SLC2A6: variants seen among roughly 807,000 people sequenced by gnomAD.
The protein encoded by SLC2A6 is solute carrier family 2 member 6, also known as solute carrier family 2, facilitated glucose transporter member 6.
In SLC2A6, 39 loss-of-function variants were observed where a neutral mutation model predicts 47.8. The ratio of observed to expected loss-of-function variants is 0.82; its 90% confidence interval spans 0.63 to 1.07. SLC2A6 has a LOEUF of 1.07. SLC2A6 is among the 50% of genes least tolerant of loss of function. The probability of loss-of-function intolerance (pLI) is 0.00; values close to 1 mark genes in which losing one functional copy is unlikely to be tolerated. For missense variants in SLC2A6, 650 were observed against 707.6 expected (o/e 0.92, Z 0.92); for synonymous variants, 346 against 324.1 (o/e 1.07, Z -0.73).
chr9:133,472,250 G>A lies in SLC2A6; in HGVS notation c.1369-74C>T, dbSNP rs1554801850. 20 of 1,541,094 alleles carry A rather than the reference G, an allele frequency of 1.3e-5. No homozygotes were observed. The African/African-American group carries it at 1.5e-4, about 12-fold the overall frequency. On this transcript the variant is annotated intron_variant, in intron 9 of 9. Coordinates refer to ENST00000371899, the MANE Select transcript of SLC2A6 (RefSeq NM_017585.4). ...TCCTGCCCCAGAGGAGCTCGTGGGC[G>A]CTGCTGGTAGTGACCAGCCCTGTGG...
In SLC2A6 at chr9:133,472,113, A is replaced by G. The variant is rs781854610; in HGVS notation, c.1432T>C (p.Phe478Leu). ...GTCTCGGGCACACAGCAGCCTGTGA[A>G]CACCAGGCTCACCAAGCAGATGGCC... Reference protein sequence around the residue: ...FAAICLVSLVFTGCCVPETKG... With the variant: ...FAAICLVSLVLTGCCVPETKG... The change falls in exon 10 of 10, where the codon TTC becomes CTC. Residue 478 changes from phenylalanine to leucine, a missense_variant. By Grantham distance (22) the Phe-to-Leu change is conservative. Transcript: ENST00000371899. 1.2e-6 allele frequency: 2 copies of G among 1,613,334 alleles called. No homozygotes were observed. The highest frequency in any genetic ancestry group is 1.7e-6 in the Non-Finnish European group (2 of 1,179,910).
chr9:133,475,083 C>T lies in SLC2A6; in HGVS notation c.805G>A (p.Ala269Thr). Residue 269 changes from alanine (A) to threonine (T), a missense_variant, in exon 6 of 10, where the codon GCC becomes ACC. Physicochemically the swap from Ala to Thr is moderately conservative, Grantham distance 58. Coordinates refer to ENST00000371899, the MANE Select transcript of SLC2A6 (RefSeq NM_017585.4). ...SSRVSWAEAR[A>T]PHVCRPITVA... The stretch of plus-strand genomic sequence containing the variant: ...GTGATGGGCCGGCACACGTGTGGGG[C>T]CCGTGCCTCAGCCCACGATACTCGG... 6.3e-7 allele frequency: 1 copy of T among 1,589,204 alleles called. No homozygotes were observed. The highest frequency in any genetic ancestry group is 8.5e-7 in the Non-Finnish European group (1 of 1,170,680).
At chr9:133,478,914 G>T in intron 1 of SLC2A6, 54 bp downstream of exon 1, 1 of 1,479,808 alleles carries the variant, frequency 6.8e-7, no homozygotes. Flanking sequence ...CGGCTGGAGG[G>T]AACCAGGGCC....
chr9:133,477,668 C>T (rs1167139316), intron 2 of SLC2A6, among the ~76,000 whole-genome samples: 3 of 152,218 alleles, frequency 2.0e-5, no homozygotes, highest in Non-Finnish European at 4.4e-5. Context: ...TCAGTTTCTT[C>T]AGCTGTCTTA....
At position 133,472,226 on chromosome 9, in the gene SLC2A6, C is replaced by A. The variant is rs370504158; in HGVS notation, c.1369-50G>T. On this transcript the variant is annotated intron_variant, in intron 9 of 9. Coordinates refer to ENST00000371899, the MANE Select transcript of SLC2A6 (RefSeq NM_017585.4). ...TCACAGGGAGAAGCTCCAGGGTCCT[C>A]CTGCCCCAGAGGAGCTCGTGGGCGC... is the stretch of plus-strand genomic sequence containing the variant. 1.9e-6 allele frequency: 3 copies of A among 1,602,144 alleles called. 1 individual carries two copies. Among genetic ancestry groups the A allele is most frequent in the South Asian group, 2.2e-5 (2 of 90,690 alleles).
rs1843887041 is a variant in SLC2A6 at position 133,475,047 on chromosome 9, G to A, written c.841C>T (p.Leu281=). 6.2e-7 allele frequency: 1 copy of A among 1,600,522 alleles called. No individual in the cohort carries two copies. The highest frequency in any genetic ancestry group is 8.5e-7 in the Non-Finnish European group (1 of 1,175,418). ...HVCRPITVAL[L]MRLLQQLTGI... ...GTCAGCTGCTGCAGGAGGCGCATCA[G>A]CAAGGCCACGGTGATGGGCCGGCAC... Residue 281 remains leucine, a synonymous_variant, in exon 6 of 10, where the codon CTG becomes TTG. Transcript: ENST00000371899.
rs1554802335 is a variant in SLC2A6 at position 133,473,530 on chromosome 9, G to C, written c.1107C>G (p.Pro369=). 1 of 1,582,092 alleles carries C rather than the reference G, an allele frequency of 6.3e-7. No individual in the cohort carries two copies. The change falls in exon 8 of 10, where the codon CCC becomes CCG. Residue 369 remains proline (P), a synonymous_variant. Transcript: ENST00000371899. ...YIHFGPRPLS[P]NSTAGLESES... ...CGCTTTCCAGGCCCGCAGTGCTGTT[G>C]GGGCTCAGAGGCCTGGGGCCAAAGT...
At chr9:133,472,248 G>A (rs2131019461) in intron 9 of SLC2A6, 72 bp from the exon 10 acceptor site, 2 of 1,562,856 alleles carry the variant, frequency 1.3e-6, no homozygotes, top group East Asian at 2.3e-5. Flanking sequence ...GAGCTCGTGG[G>A]CGCTGCTGGT....
At chr9:133,473,354 C>T in intron 8 of SLC2A6, 61 bp downstream of exon 8, 2 of 1,541,902 alleles carry the variant, frequency 1.3e-6, no homozygotes, top group Non-Finnish European at 1.7e-6. Context: ...CCACCCCAGA[C>T]ACATCACCCA....
In SLC2A6 at chr9:133,472,783, G is replaced by A. The variant is rs3124763; in HGVS notation, c.1368+322C>T. The stretch of plus-strand genomic sequence containing the variant: ...CTGCTGAGACCCAGCGCCCAGGAGG[G>A]CGGGAGATGAGGCACGGTGGGGAGG... On this transcript the variant is annotated intron_variant, in intron 9 of 9. Transcript: ENST00000371899. Among the ~76,000 whole-genome samples the A allele has an allele frequency of 8.1e-3, 1,227 of 152,322 alleles. 6 individuals carry two copies. Among genetic ancestry groups the A allele is most frequent in the Non-Finnish European group, 0.012 (848 of 68,022 alleles).
chr9:133,472,841 C>T (rs2131021129), intron 9 of SLC2A6, among the ~76,000 whole-genome samples: 1 of 152,258 alleles, frequency 6.6e-6, no homozygotes, highest in East Asian at 1.9e-4. Flanking sequence ...GGTCCTGGGC[C>T]ATGTCCTGCC....
chr9:133,473,035 C>A, intron 9 of SLC2A6, 70 bp downstream of exon 9: 1 of 1,496,478 alleles, frequency 6.7e-7, no homozygotes, highest in Non-Finnish European at 8.9e-7. Flanking sequence ...GGCACAGCCC[C>A]TGGCACTGAG....
At chr9:133,473,804 G>A (rs1480385688) in intron 7 of SLC2A6, 176 bp downstream of exon 7, 1 of 743,328 alleles carries the variant, frequency 1.3e-6, no homozygotes, top group Non-Finnish European at 2.1e-6. Context: ...TCCACTCGGA[G>A]CCCCAGCGGA....
At chr9:133,478,530 G>T in intron 1 of SLC2A6, 114 bp from the exon 2 acceptor site, 1 of 1,215,598 alleles carries the variant, frequency 8.2e-7, no homozygotes, top group Non-Finnish European at 1.2e-6. Flanking sequence ...AGGGAGGCCT[G>T]GGTCCAAGGC....
chr9:133,475,160 C>G (rs781909457), intron 5 of SLC2A6, 47 bp from the exon 6 acceptor site: 1 of 1,483,510 alleles, frequency 6.7e-7, no homozygotes, highest in Non-Finnish European at 8.9e-7. Flanking sequence ...GCCTCTCCAG[C>G]AGGCGCCATC....
intron 9 of SLC2A6, 22 bp downstream of exon 9, chr9:133,473,083 G>A (rs1554802085): frequency 6.3e-7 from 1 of 1,594,412 alleles, no homozygotes. Context: ...TAGGGGCCTG[G>A]GGCCTGGGGC....
At chr9:133,474,196 A>C (rs1379606918) in intron 6 of SLC2A6, 108 bp from the exon 7 acceptor site, 3 of 815,068 alleles carry the variant, frequency 3.7e-6, no homozygotes, top group South Asian at 3.5e-5. Context: ...CCAGCAGCTC[A>C]GTGCAGTACT....
rs1453060790 is a variant in SLC2A6 at position 133,471,987 on chromosome 9, G to A, written c.*34C>T. The A allele has an allele frequency of 6.2e-7, 1 of 1,600,140 alleles. No individual in the cohort carries two copies. Among genetic ancestry groups the A allele is most frequent in the Non-Finnish European group, 8.5e-7 (1 of 1,170,778 alleles). ...TAGCCAACACAGAGGCCCAGCCACT[G>A]GGGGTTTGGCCCCCTCCAGGCGGGG... On this transcript the variant is annotated 3_prime_UTR_variant, in exon 10 of 10. Transcript: ENST00000371899.
At chr9:133,473,033 C>T (rs1554802055) in intron 9 of SLC2A6, 72 bp downstream of exon 9, 16 of 1,491,984 alleles carry the variant, frequency 1.1e-5, no homozygotes, top group Non-Finnish European at 1.4e-5. Flanking sequence ...TTGGCACAGC[C>T]CCTGGCACTG....
Sources: allele counts gnomAD v4.1 joint callset (sites outside exome capture counted in the v4.1 genomes callset), GRCh38; gene constraint gnomAD v4.1.1; transcripts MANE v1.5; gene names NCBI Gene and HGNC (gene_info 2026-07-23, HGNC 2026-07-21).